RPS6KA3: variants seen among roughly 807,000 people sequenced by gnomAD.
The protein encoded by RPS6KA3 is ribosomal protein S6 kinase alpha-3.
Under a neutral mutation model 67.2 loss-of-function variants are expected in RPS6KA3, and 4 were observed. The observed-to-expected ratio is 0.06, with a 90% CI of 0.03 to 0.14. The LOEUF (loss-of-function observed/expected upper bound fraction) is 0.14, where lower values mean the gene tolerates loss of function less well. RPS6KA3 is among the 10% of genes least tolerant of loss of function. RPS6KA3 has a pLI of 1.00. For missense variants in RPS6KA3, 204 were observed against 559.0 expected, an observed-to-expected ratio of 0.36 and a Z score of 6.40; for synonymous variants, 182 against 183.7, an observed-to-expected ratio of 0.99 and a Z score of 0.07.
intron 10 of RPS6KA3, 35 bp from the exon 11 acceptor site, chrX:20,177,119 G>A (rs376682134): frequency 3.1e-5 from 30 of 966,042 alleles, no homozygotes; most frequent in African/African-American, 1.9e-5. Flanking sequence ...TTTATTTTTT[G>A]GAGGCATCTG....
chrX:20,234,918 C>T (rs2069369831), intron 1 of RPS6KA3, 104 bp from the exon 2 acceptor site: 7 of 584,832 alleles, frequency 1.2e-5, no homozygotes, highest in Non-Finnish European at 2.1e-5. Flanking sequence ...AGATTTTCAC[C>T]CCTAAAGGGC....
At chrX:20,259,919 G>A (rs778089961) in intron 1 of RPS6KA3, among the ~76,000 whole-genome samples, 6 of 110,621 alleles carry the variant, frequency 5.4e-5, no homozygotes, top group Admixed American at 9.7e-5. Flanking sequence ...GAGACTTTTC[G>A]GCTTGAAAAA....
chrX:20,196,872 C>T (rs991297742), intron 4 of RPS6KA3, among the ~76,000 whole-genome samples: 4 of 111,453 alleles, frequency 3.6e-5, no homozygotes, highest in African/African-American at 6.5e-5. Context: ...GATAGGATAT[C>T]GCTGTCGCCC....
chrX:20,181,153 A>G (rs917299270), intron 10 of RPS6KA3, among the ~76,000 whole-genome samples: 6 of 112,547 alleles, frequency 5.3e-5, no homozygotes, highest in Non-Finnish European at 1.1e-4. Context: ...ACTTCAGTAA[A>G]GAAAAGAAAA....
chrX:20,217,499 TG>T (rs1326585616), intron 2 of RPS6KA3, among the ~76,000 whole-genome samples: 1 of 112,634 alleles, frequency 8.9e-6, no homozygotes. Context: ...TCCCCTCCCC[TG>T]AGTCAGGAAG....
At chrX:20,233,037 G>T (rs189626674) in intron 2 of RPS6KA3, among the ~76,000 whole-genome samples, 1 of 111,619 alleles carries the variant, frequency 9.0e-6, no homozygotes, top group Non-Finnish European at 1.9e-5. Flanking sequence ...TCGGGAGGCT[G>T]AGGCAGGAGA....
intron 1 of RPS6KA3, among the ~76,000 whole-genome samples, chrX:20,248,006 TTGTTA>T (rs746448445): frequency 1.1e-4 from 12 of 111,802 alleles, no homozygotes; most frequent in African/African-American, 3.9e-4. Context: ...TGTCCTTTGC[TTGTTA>T]TATTTCTAGG....
rs1049149659 is a variant in RPS6KA3, at chrX:20,151,635, A to G, written c.*3763T>C. ...TTACATTCCTGAGCTATCTATCCTAATGCCTTCATAAGTCTCAATGCTCAA... is the reference window on the plus strand; with the variant it reads ...TTACATTCCTGAGCTATCTATCCTAGTGCCTTCATAAGTCTCAATGCTCAA... On this transcript the variant is annotated 3_prime_UTR_variant, in exon 22 of 22. Transcript: ENST00000379565. 1 of 112,092 alleles carries G rather than the reference A, an allele frequency of 8.9e-6. No homozygotes were observed. Among genetic ancestry groups the G allele is most frequent in the Non-Finnish European group, 1.9e-5 (1 of 53,213 alleles). The allele number at this position is 112,092 out of a possible 1,213,427, so 9.2% of individuals were successfully genotyped here. A position where few individuals can be genotyped will look rare whatever the true frequency, so the allele number is the denominator to read the frequency against.
At chrX:20,222,493 T>C (rs1405006826) in intron 2 of RPS6KA3, among the ~76,000 whole-genome samples, 1 of 111,716 alleles carries the variant, frequency 9.0e-6, no homozygotes, top group Non-Finnish European at 1.9e-5. Context: ...TTCTACTAAT[T>C]TTATCTCAAA....
At chrX:20,181,378 A>G (rs6633334) in intron 10 of RPS6KA3, among the ~76,000 whole-genome samples, 31,070 of 109,883 alleles carry the variant, frequency 0.28, 4,000 homozygotes, top group African/African-American at 0.47. Flanking sequence ...AGGAAAAACT[A>G]TGGAGGGAGG....
chrX:20,207,185 G>C (rs1021896175), intron 3 of RPS6KA3, among the ~76,000 whole-genome samples: 1 of 111,959 alleles, frequency 8.9e-6, no homozygotes, highest in Admixed American at 9.5e-5. Context: ...TATTCTCAAG[G>C]GGTGGCAGGC....
chrX:20,216,545 T>C (rs981715305), intron 2 of RPS6KA3, among the ~76,000 whole-genome samples: 1 of 109,946 alleles, frequency 9.1e-6, no homozygotes, highest in African/African-American at 3.3e-5. Flanking sequence ...AGAAAAGATA[T>C]TGAGTTGAGT....
intron 2 of RPS6KA3, among the ~76,000 whole-genome samples, chrX:20,224,444 A>C (rs1184349125): frequency 9.0e-6 from 1 of 111,019 alleles, no homozygotes; most frequent in Non-Finnish European, 1.9e-5. Context: ...CCCCATGATG[A>C]CTGAACCCTG....
At chrX:20,194,086 T>C (rs2068209653) in intron 6 of RPS6KA3, 103 bp downstream of exon 6, 1 of 524,966 alleles carries the variant, frequency 1.9e-6, no homozygotes, top group Non-Finnish European at 3.2e-6. Context: ...CAGAATCTTG[T>C]GCCACTAGAG....
intron 10 of RPS6KA3, among the ~76,000 whole-genome samples, chrX:20,177,833 A>T (rs1485892223): frequency 8.9e-6 from 1 of 112,376 alleles, no homozygotes; most frequent in African/African-American, 3.2e-5. Flanking sequence ...TCCCTTTAAC[A>T]GCCCCTGAAG....
chrX:20,248,062 T>C (rs1001738273), intron 1 of RPS6KA3, among the ~76,000 whole-genome samples: 1 of 111,930 alleles, frequency 8.9e-6, no homozygotes, highest in Admixed American at 9.4e-5. Flanking sequence ...AGATCTTTTT[T>C]CCATTACAGT....
In RPS6KA3 at chrX:20,266,692, C is replaced by G. The variant is rs2070398754; in HGVS notation, c.-60G>C. ...CCCTCCCCGCCCGCCCCACGGCCGG[C>G]CCCGCTCCGTCGCCGCCCGAGCCCC... On this transcript the variant is annotated 5_prime_UTR_variant, in exon 1 of 22. Coordinates refer to ENST00000379565, the MANE Select transcript of RPS6KA3 (RefSeq NM_004586.3). The G allele has an allele frequency of 9.2e-6, 8 of 874,298 alleles. No homozygotes were observed. The highest frequency in any genetic ancestry group is 2.2e-5 in the African/African-American group (1 of 46,081). 72.1% of individuals were successfully genotyped at this position (874,298 alleles called of 1,213,427 possible).
chrX:20,237,722 C>T (rs1210428305), intron 1 of RPS6KA3, among the ~76,000 whole-genome samples: 1 of 111,550 alleles, frequency 9.0e-6, no homozygotes, highest in Non-Finnish European at 1.9e-5. Flanking sequence ...GGTGAGGTAG[C>T]TTCATGAGGA....
chrX:20,184,687 T>C (rs1001000692), intron 10 of RPS6KA3, among the ~76,000 whole-genome samples: 3 of 111,294 alleles, frequency 2.7e-5, no homozygotes, highest in Admixed American at 9.6e-5. Flanking sequence ...GGTGGGATTA[T>C]AGGCATGAGC....
Sources: gnomAD v4.1 joint callset for allele counts (sites outside exome capture counted in the v4.1 genomes callset) on GRCh38, gnomAD v4.1.1 for gene constraint, MANE v1.5 for transcripts, NCBI Gene and HGNC (gene_info 2026-07-23, HGNC 2026-07-21) for gene names.